The following ASTN2 variants were observed in gnomAD, a reference collection of about 807,000 sequenced individuals.
ASTN2 encodes the protein astrotactin-2.
A neutral mutation model predicts 139.8 loss-of-function variants in ASTN2; 54 were observed. The observed-to-expected ratio is 0.39, with a 90% confidence interval of 0.31 to 0.48. ASTN2 has a LOEUF of 0.48. ASTN2 is among the 20% of genes least tolerant of loss of function. The probability of loss-of-function intolerance (pLI) is 0.95; values close to 1 mark genes in which losing one functional copy is unlikely to be tolerated. For missense variants in ASTN2, 1,565 were observed against 1,725.1 expected (o/e 0.91, Z 1.64); for synonymous variants, 756 against 719.5 (o/e 1.05, Z -0.81).
At chr9:117,408,055 A>G (rs2130975009) in intron 1 of ASTN2, among the ~76,000 whole-genome samples, 1 of 152,242 alleles carries the variant, frequency 6.6e-6, no homozygotes, top group East Asian at 1.9e-4. Context: ...AAAACCCATC[A>G]GCCCAGGTGC....
intron 14 of ASTN2, among the ~76,000 whole-genome samples, chr9:116,729,980 G>A (rs759340980): frequency 1.3e-5 from 2 of 152,132 alleles, no homozygotes; most frequent in Non-Finnish European, 2.9e-5. Context: ...AAGACACAAC[G>A]AAGTGTTAGC....
intron 3 of ASTN2, among the ~76,000 whole-genome samples, chr9:117,148,113 T>G (rs994173822): frequency 6.6e-6 from 1 of 152,188 alleles, no homozygotes; most frequent in Non-Finnish European, 1.5e-5. Flanking sequence ...CATGTCTCAC[T>G]GCAGAACTGT....
chr9:116,514,498 T>C (rs1449592346), intron 19 of ASTN2, among the ~76,000 whole-genome samples: 2 of 152,174 alleles, frequency 1.3e-5, no homozygotes, highest in Non-Finnish European at 2.9e-5. Context: ...GATCTCAAAC[T>C]CTTTGCTGGG....
chr9:116,869,214 G>A (rs1222051024), intron 10 of ASTN2, among the ~76,000 whole-genome samples: 1 of 151,988 alleles, frequency 6.6e-6, no homozygotes, highest in Admixed American at 6.6e-5. Flanking sequence ...AAAAATGACA[G>A]CATTAGTTGG....
At chr9:117,127,972 T>G (rs7036077) in intron 4 of ASTN2, among the ~76,000 whole-genome samples, 141,853 of 152,040 alleles carry the variant, frequency 0.93, 66,897 homozygotes, top group Non-Finnish European at 1. Context: ...GAGCCACCGC[T>G]CCCGGCCGGG....
chr9:116,682,857 C>G (rs1859972023), intron 16 of ASTN2, among the ~76,000 whole-genome samples: 1 of 151,982 alleles, frequency 6.6e-6, no homozygotes, highest in East Asian at 1.9e-4. Flanking sequence ...AGGGGAACAT[C>G]ACACTCTGGG....
At chr9:117,381,638 C>T (rs890860872) in intron 1 of ASTN2, among the ~76,000 whole-genome samples, 1 of 152,166 alleles carries the variant, frequency 6.6e-6, no homozygotes, top group African/African-American at 2.4e-5. Context: ...TCCCCAGAAG[C>T]AGATGCCACC....
chr9:116,888,453 ATAT>A (rs1180909544), intron 10 of ASTN2, among the ~76,000 whole-genome samples: 1 of 152,094 alleles, frequency 6.6e-6, no homozygotes, highest in Admixed American at 6.6e-5. Flanking sequence ...ATATATTATG[ATAT>A]TATTCATATT....
At chr9:117,297,165 A>G (rs983494693) in intron 1 of ASTN2, among the ~76,000 whole-genome samples, 1 of 152,226 alleles carries the variant, frequency 6.6e-6, no homozygotes, top group Admixed American at 6.5e-5. Context: ...CTGATTCTAC[A>G]GCACCAGCTG....
In ASTN2 at chr9:117,214,717, A is replaced by G; in HGVS notation, c.656T>C (p.Leu219Pro). The G allele has an allele frequency of 1.3e-6, 2 of 1,509,070 alleles. No individual in the cohort carries two copies. Among genetic ancestry groups the G allele is most frequent in the South Asian group, 1.4e-5 (1 of 74,072 alleles). 93.5% of individuals were successfully genotyped at this position (1,509,070 alleles called of 1,614,324 possible). A position where few individuals can be genotyped will look rare whatever the true frequency, so the allele number is the denominator to read the frequency against. ...VMGGLIALLL[L>P]LLVFTVALYA... Reference sequence around the variant, plus strand: ...CAGCGCCACGGTGAACACCAGCAGCAGCAGCAGCAGCGCGATGAGGCCACC... The same window carrying G: ...CAGCGCCACGGTGAACACCAGCAGCGGCAGCAGCAGCGCGATGAGGCCACC... The change falls in exon 3 of 23, where the codon CTG becomes CCG. Residue 219 changes from leucine (L) to proline (P), a missense_variant. This residue lies in a region of ASTN2 where 596 missense variants were observed against 576.8 expected (regional missense o/e 1.03). Transcript: ENST00000313400.
At chr9:116,616,334 G>A (rs754700000) in intron 19 of ASTN2, among the ~76,000 whole-genome samples, 4 of 152,196 alleles carry the variant, frequency 2.6e-5, no homozygotes, top group Non-Finnish European at 5.9e-5. Context: ...CAAATAAACA[G>A]TAGAGAGAAT....
chr9:117,273,286 C>T (rs1015786448), intron 2 of ASTN2, among the ~76,000 whole-genome samples: 8 of 152,174 alleles, frequency 5.3e-5, no homozygotes, highest in African/African-American at 1.2e-4. Context: ...CCCTTGGGTC[C>T]TTCCCACAAC....
chr9:117,149,042 C>T (rs754811614), intron 3 of ASTN2, among the ~76,000 whole-genome samples: 20 of 151,144 alleles, frequency 1.3e-4, no homozygotes, highest in South Asian at 2.1e-4. Flanking sequence ...TTTTTTGAGA[C>T]GGAGTCTCAC....
At chr9:116,961,520 T>C (rs1835875477) in intron 10 of ASTN2, among the ~76,000 whole-genome samples, 2 of 152,206 alleles carry the variant, frequency 1.3e-5, no homozygotes, top group African/African-American at 4.8e-5. Flanking sequence ...GTCCTCAAGA[T>C]TCATCTATGT....
intron 16 of ASTN2, among the ~76,000 whole-genome samples, chr9:116,689,250 C>T (rs1347976115): frequency 6.6e-6 from 1 of 152,136 alleles, no homozygotes; most frequent in Non-Finnish European, 1.5e-5. Context: ...CTCTTCCTGA[C>T]TTTGTGGCCT....
intron 10 of ASTN2, among the ~76,000 whole-genome samples, chr9:116,913,667 T>C (rs1159047655): frequency 6.6e-6 from 1 of 152,196 alleles, no homozygotes; most frequent in Non-Finnish European, 1.5e-5. Flanking sequence ...TTATAGCACT[T>C]ATATTTCATT....
At chr9:116,644,294 G>A (rs1857483998) in intron 17 of ASTN2, among the ~76,000 whole-genome samples, 1 of 152,166 alleles carries the variant, frequency 6.6e-6, no homozygotes, top group Non-Finnish European at 1.5e-5. Flanking sequence ...ACAACCACAA[G>A]ACTAGAATTA....
At chr9:116,817,304 AAAG>A (rs1227724219) in intron 12 of ASTN2, among the ~76,000 whole-genome samples, 1 of 113,394 alleles carries the variant, frequency 8.8e-6, no homozygotes, top group Non-Finnish European at 1.8e-5. Flanking sequence ...AAAAAAAAAA[AAAG>A]AAGAAAGAAA....
At chr9:117,337,530 A>G (rs1828925493) in intron 1 of ASTN2, among the ~76,000 whole-genome samples, 1 of 152,218 alleles carries the variant, frequency 6.6e-6, no homozygotes, top group African/African-American at 2.4e-5. Context: ...CCGTTAAGTA[A>G]TAACACTATG....
Sources: allele counts gnomAD v4.1 joint callset (sites outside exome capture counted in the v4.1 genomes callset), GRCh38; gene constraint gnomAD v4.1.1; regional missense constraint gnomAD v4.1.1; transcripts MANE v1.5; gene names NCBI Gene and HGNC (gene_info 2026-07-23, HGNC 2026-07-21).